The following PAPPA2 variants were observed in gnomAD, a reference collection of about 807,000 sequenced individuals.
PAPPA2 encodes pappalysin 2, also known as pappalysin-2.
In PAPPA2, 86 loss-of-function variants were observed where a neutral mutation model predicts 176.4. That is an observed-to-expected ratio of 0.49 (90% CI 0.41 to 0.58). The LOEUF (loss-of-function observed/expected upper bound fraction) is 0.58, where lower values mean the gene tolerates loss of function less well. Among genes scored for constraint, PAPPA2 ranks in the 20% least tolerant of loss-of-function variants. The pLI, the probability that PAPPA2 is intolerant of heterozygous loss-of-function variation, is 0.00. For missense variants in PAPPA2, 2,073 were observed against 2,256.9 expected, an observed-to-expected ratio of 0.92 and a Z score of 1.65; for synonymous variants, 809 against 852.2, an observed-to-expected ratio of 0.95 and a Z score of 0.88.
At chr1:176,634,682 A>G (rs1656558422) in intron 3 of PAPPA2, among the ~76,000 whole-genome samples, 2 of 151,842 alleles carry the variant, frequency 1.3e-5, no homozygotes, top group Admixed American at 1.3e-4. Flanking sequence ...GTAAGGCGCT[A>G]TTGAGTACAT....
At chr1:176,768,571 T>C (rs1363707064) in intron 15 of PAPPA2, among the ~76,000 whole-genome samples, 1 of 152,198 alleles carries the variant, frequency 6.6e-6, no homozygotes, top group Admixed American at 6.5e-5. Flanking sequence ...CTTTTCTGCC[T>C]TTCTCCCTCC....
In PAPPA2 at chr1:176,791,553, TA is replaced by T; in HGVS notation, c.5020+73del. 4.6e-6 allele frequency: 7 copies of T among 1,523,766 alleles called. No homozygotes were observed. The South Asian group carries it at 8.4e-5, about 18-fold the overall frequency. 94.4% of individuals were successfully genotyped at this position (1,523,766 alleles called of 1,614,324 possible). A position where few individuals can be genotyped will look rare whatever the true frequency, so the allele number is the denominator to read the frequency against. On this transcript the variant is annotated intron_variant, in intron 19 of 22. Transcript: ENST00000367662. ...TTATTAAGCACAGCTGAATTTTTTT[TA>T]ATTTTATTTATTTTTGTCAGACGGA...
intron 3 of PAPPA2, among the ~76,000 whole-genome samples, chr1:176,606,780 T>A (rs1210227462): frequency 6.6e-6 from 1 of 152,172 alleles, no homozygotes; most frequent in Admixed American, 6.5e-5. Context: ...TTAAAATATG[T>A]ACAGTGTAGA....
intron 12 of PAPPA2, among the ~76,000 whole-genome samples, chr1:176,729,023 A>G (rs894728324): frequency 2.0e-5 from 3 of 151,962 alleles, no homozygotes; most frequent in Admixed American, 2.0e-4. Context: ...CATCCTTTAC[A>G]TAATAATTAT....
At chr1:176,839,561 G>A (rs954546180) in intron 21 of PAPPA2, among the ~76,000 whole-genome samples, 15 of 152,094 alleles carry the variant, frequency 9.9e-5, no homozygotes, top group Non-Finnish European at 2.2e-4. Flanking sequence ...GCACCACTGC[G>A]GGCTGGACAG....
intron 21 of PAPPA2, among the ~76,000 whole-genome samples, chr1:176,834,517 G>T (rs1571397278): frequency 6.6e-6 from 1 of 152,196 alleles, no homozygotes; most frequent in Non-Finnish European, 1.5e-5. Context: ...AAGTGTTTCT[G>T]GGCTGTAGGC....
At chr1:176,769,868 C>G in intron 16 of PAPPA2, 84 bp downstream of exon 16, 1 of 1,371,656 alleles carries the variant, frequency 7.3e-7, no homozygotes, top group Non-Finnish European at 9.9e-7. Context: ...TTTTCGTTAC[C>G]CCAACACCTT....
chr1:176,592,842 T>G (rs1332219721), intron 2 of PAPPA2, among the ~76,000 whole-genome samples: 1 of 152,220 alleles, frequency 6.6e-6, no homozygotes, highest in Non-Finnish European at 1.5e-5. Flanking sequence ...AGCTACTTAC[T>G]GCTTATTAAA....
At chr1:176,515,747 G>A (rs537311250) in intron 1 of PAPPA2, among the ~76,000 whole-genome samples, 6 of 152,144 alleles carry the variant, frequency 3.9e-5, no homozygotes, top group African/African-American at 1.4e-4. Context: ...AGCCAAAAGA[G>A]AGTGAGTTCC....
At chr1:176,667,407 A>T (rs1427854981) in intron 3 of PAPPA2, among the ~76,000 whole-genome samples, 7 of 152,138 alleles carry the variant, frequency 4.6e-5, no homozygotes, top group Admixed American at 4.6e-4. Context: ...GAAAAATGAA[A>T]GGAAGTGGGG....
At chr1:176,760,133 C>A (rs145159731) in intron 14 of PAPPA2, among the ~76,000 whole-genome samples, 3 of 152,152 alleles carry the variant, frequency 2.0e-5, no homozygotes, top group Non-Finnish European at 4.4e-5. Flanking sequence ...ATTCTATTTT[C>A]ATTAAAGTCA....
At chr1:176,662,853 A>G (rs573291499) in intron 3 of PAPPA2, among the ~76,000 whole-genome samples, 18 of 152,300 alleles carry the variant, frequency 1.2e-4, no homozygotes, top group African/African-American at 4.3e-4. Context: ...TTTTAGTGTT[A>G]TCAGCCTGGG....
intron 12 of PAPPA2, among the ~76,000 whole-genome samples, chr1:176,724,566 C>T (rs1174533335): frequency 6.6e-6 from 1 of 152,180 alleles, no homozygotes; most frequent in African/African-American, 2.4e-5. Context: ...ACAGCAACCA[C>T]CACATGCTCA....
At chr1:176,818,630 C>T (rs1007211304) in intron 21 of PAPPA2, among the ~76,000 whole-genome samples, 2 of 152,142 alleles carry the variant, frequency 1.3e-5, no homozygotes, top group Non-Finnish European at 2.9e-5. Flanking sequence ...GAGCCATCAT[C>T]ACCTGTTACA....
intron 21 of PAPPA2, among the ~76,000 whole-genome samples, chr1:176,839,857 T>G (rs1236713685): frequency 6.6e-6 from 1 of 152,192 alleles, no homozygotes; most frequent in Non-Finnish European, 1.5e-5. Context: ...TGAACTGTTT[T>G]GTAACCTATA....
intron 2 of PAPPA2, among the ~76,000 whole-genome samples, chr1:176,585,018 G>A (rs77496696): frequency 6.6e-6 from 1 of 152,150 alleles, no homozygotes; most frequent in Admixed American, 6.5e-5. Context: ...GATTACAGGC[G>A]TGAGCCACTG....
intron 3 of PAPPA2, among the ~76,000 whole-genome samples, chr1:176,656,577 T>G (rs1253581925): frequency 6.6e-6 from 1 of 151,902 alleles, no homozygotes; most frequent in Non-Finnish European, 1.5e-5. Context: ...GAGTAGTTAT[T>G]GTTGGTAACT....
chr1:176,617,045 A>G (rs938663190), intron 3 of PAPPA2, among the ~76,000 whole-genome samples: 2 of 152,114 alleles, frequency 1.3e-5, no homozygotes, highest in Non-Finnish European at 2.9e-5. Flanking sequence ...CAGAACTCTT[A>G]TAAAATGCTC....
chr1:176,531,315 G>A (rs1463897647), intron 1 of PAPPA2, among the ~76,000 whole-genome samples: 4 of 152,184 alleles, frequency 2.6e-5, no homozygotes, highest in African/African-American at 9.6e-5. Context: ...TTGTATCAAA[G>A]TCCAAGGCTG....
Sources: gnomAD v4.1 joint callset for allele counts (sites outside exome capture counted in the v4.1 genomes callset) on GRCh38, gnomAD v4.1.1 for gene constraint, MANE v1.5 for transcripts, NCBI Gene and HGNC (gene_info 2026-07-23, HGNC 2026-07-21) for gene names.